The following ELF2 variants were observed in gnomAD, a reference collection of about 807,000 sequenced individuals.
The protein encoded by ELF2 is E74 like ETS transcription factor 2, also known as ETS-related transcription factor Elf-2.
Under a neutral mutation model 54.8 loss-of-function variants are expected in ELF2, and 11 were observed. The observed-to-expected ratio is 0.20, with a 90% CI of 0.13 to 0.33. ELF2 has a LOEUF of 0.33. ELF2 is among the 10% of genes least tolerant of loss of function. The pLI, the probability that ELF2 is intolerant of heterozygous loss-of-function variation, is 1.00. For synonymous variants in ELF2, 203 were observed against 245.1 expected (o/e 0.83, Z 1.61); for missense variants, 513 against 703.0 (o/e 0.73, Z 3.06).
At chr4:139,161,921 T>C (rs749876838) in intron 1 of ELF2, among the ~76,000 whole-genome samples, 2 of 151,566 alleles carry the variant, frequency 1.3e-5, no homozygotes, top group Non-Finnish European at 2.9e-5. Flanking sequence ...GGTGAAACCC[T>C]AACTCTACTA....
intron 4 of ELF2, among the ~76,000 whole-genome samples, chr4:139,083,845 TCCAGCACCCGCTGCCAGCGCTCAGC>T (rs1232416838): frequency 1.3e-5 from 2 of 152,170 alleles, no homozygotes; most frequent in Non-Finnish European, 2.9e-5. Flanking sequence ...GGCTCCGTTC[TCCAGCACCCGCTGCCAGCGCTCAGC>T]CCGGCAGCTG....
chr4:139,148,744 T>A (rs1168428391), intron 1 of ELF2, among the ~76,000 whole-genome samples: 2 of 152,142 alleles, frequency 1.3e-5, no homozygotes, highest in Admixed American at 1.3e-4. Context: ...CTTTCGCATA[T>A]ATAGCCAGGA....
chr4:139,092,427 ATAACATAACAT>A (rs1732757716), intron 4 of ELF2, among the ~76,000 whole-genome samples: 2 of 143,834 alleles, frequency 1.4e-5, no homozygotes, highest in East Asian at 4.1e-4. Flanking sequence ...ATAACATAAC[ATAACATAACAT>A]AACATAACAT....
chr4:139,135,627 T>G (rs1020809622), intron 3 of ELF2, among the ~76,000 whole-genome samples: 1 of 152,152 alleles, frequency 6.6e-6, no homozygotes, highest in African/African-American at 2.4e-5. Flanking sequence ...GATAGTTAAG[T>G]GGTGAATTAA....
At chr4:139,125,989 A>G (rs1736879129) in intron 3 of ELF2, among the ~76,000 whole-genome samples, 1 of 152,180 alleles carries the variant, frequency 6.6e-6, no homozygotes, top group African/African-American at 2.4e-5. Context: ...TAATAGGCAC[A>G]GTTGTTAGCA....
chr4:139,121,137 C>T lies in ELF2; in HGVS notation c.238+4027G>A, dbSNP rs1736281956. Among the ~76,000 whole-genome samples, 3 of 97,260 alleles carry T rather than the reference C, an allele frequency of 3.1e-5. No homozygotes were observed. The South Asian group carries it at 1.1e-3, about 34-fold the overall frequency. 63.8% of individuals were successfully genotyped at this position (97,260 alleles called of 152,430 possible). A position where few individuals can be genotyped will look rare whatever the true frequency, so the allele number is the denominator to read the frequency against. On this transcript the variant is annotated intron_variant, in intron 4 of 9. Coordinates refer to ENST00000686138, the MANE Select transcript of ELF2 (RefSeq NM_001331036.3). ...TTTTTTTTTTTTTTTGAGACGGAGT[C>T]TTGCTCTGTCGCCCAGGCTGGAGTG...
intron 7 of ELF2, chr4:139,066,172 T>C (rs1031062423): frequency 6.6e-6 from 1 of 152,058 alleles, no homozygotes; most frequent in Non-Finnish European, 1.5e-5. Context: ...AATATATTAA[T>C]GTAAAATTTA....
At chr4:139,111,143 A>T (rs933546653) in intron 4 of ELF2, among the ~76,000 whole-genome samples, 2 of 152,116 alleles carry the variant, frequency 1.3e-5, no homozygotes, top group Non-Finnish European at 2.9e-5. Context: ...TCTGTATATA[A>T]TTCTCTTTAT....
intron 3 of ELF2, 61 bp from the exon 4 acceptor site, chr4:139,125,390 T>C (rs1373627614): frequency 1.3e-6 from 2 of 1,581,900 alleles, no homozygotes; most frequent in African/African-American, 1.4e-5. Context: ...AATTCACTTA[T>C]AAATCCTTGA....
chr4:139,114,593 A>ACC (rs1264572584), intron 4 of ELF2, among the ~76,000 whole-genome samples: 27 of 146,262 alleles, frequency 1.8e-4, no homozygotes, highest in African/African-American at 6.8e-4. Flanking sequence ...ACACACACAC[A>ACC]CACAATTTAG....
intron 8 of ELF2, 119 bp downstream of exon 8, chr4:139,061,746 C>T: frequency 8.4e-7 from 1 of 1,190,436 alleles, no homozygotes; most frequent in Non-Finnish European, 1.2e-6. Context: ...AGAAGCTCCT[C>T]TAGAATATCC....
chr4:139,171,546 G>A (rs376844881), intron 1 of ELF2, among the ~76,000 whole-genome samples: 2 of 151,742 alleles, frequency 1.3e-5, no homozygotes, highest in Admixed American at 6.6e-5. Context: ...AATACTATGA[G>A]TCATAAGGAA....
chr4:139,085,310 G>C (rs1578750190), intron 4 of ELF2, among the ~76,000 whole-genome samples: 1 of 152,160 alleles, frequency 6.6e-6, no homozygotes, highest in Non-Finnish European at 1.5e-5. Context: ...TTATGCTAAA[G>C]TTGTCTGCAC....
At chr4:139,063,401 G>A (rs1452061766) in intron 7 of ELF2, among the ~76,000 whole-genome samples, 2 of 152,158 alleles carry the variant, frequency 1.3e-5, no homozygotes, top group African/African-American at 4.8e-5. Flanking sequence ...CTTAAATTCT[G>A]AGGTCCTAAA....
chr4:139,108,799 G>T (rs1734672432), intron 4 of ELF2, among the ~76,000 whole-genome samples: 1 of 152,010 alleles, frequency 6.6e-6, no homozygotes, highest in Non-Finnish European at 1.5e-5. Context: ...AAGAATCGAA[G>T]AACTGGTTGT....
At chr4:139,114,284 T>G (rs990287913) in intron 4 of ELF2, among the ~76,000 whole-genome samples, 1 of 152,104 alleles carries the variant, frequency 6.6e-6, no homozygotes, top group Non-Finnish European at 1.5e-5. Context: ...TCAAAGAATT[T>G]AGAGGCCGGG....
Position 139,060,603 on chromosome 4 carries a change from G to A in ELF2, c.878C>T (p.Pro293Leu), listed in dbSNP as rs1290161852. Residue 293 changes from proline to leucine, a missense_variant, in exon 9 of 10, where the codon CCG (proline) becomes CTG (leucine). Transcript: ENST00000686138. ...ATCATCTATGACCACTATGTTTTTC[G>A]GCATATCCTTGAACTGATATACAAG... The part of the protein sequence containing the change: ...QRLVYQFKDM[P>L]KNIVVIDDDK... 3 of 1,613,702 alleles carry A rather than the reference G, an allele frequency of 1.9e-6. No homozygotes were observed. The highest frequency in any genetic ancestry group is 1.7e-5 in the Admixed American group (1 of 59,996).
At chr4:139,071,296 T>TTA (rs1729478163) in intron 6 of ELF2, among the ~76,000 whole-genome samples, 1 of 151,862 alleles carries the variant, frequency 6.6e-6, no homozygotes, top group African/African-American at 2.4e-5. Context: ...TATGACTATA[T>TTA]ATGAATATGA....
chr4:139,097,849 T>C (rs1412311684), intron 4 of ELF2, among the ~76,000 whole-genome samples: 1 of 152,196 alleles, frequency 6.6e-6, no homozygotes, highest in Non-Finnish European at 1.5e-5. Context: ...TGGAGTACAA[T>C]GTGGCCTATA....
Sources: allele counts gnomAD v4.1 joint callset (sites outside exome capture counted in the v4.1 genomes callset), GRCh38; gene constraint gnomAD v4.1.1; transcripts MANE v1.5; gene names NCBI Gene and HGNC (gene_info 2026-07-23, HGNC 2026-07-21).